FAM227B: variants seen among roughly 807,000 people sequenced by gnomAD.
FAM227B encodes the protein family with sequence similarity 227 member B.
Under a neutral mutation model 73.8 loss-of-function variants are expected in FAM227B, and 88 were observed. That is an observed-to-expected ratio of 1.19 (90% CI 1.00 to 1.42). The LOEUF (loss-of-function observed/expected upper bound fraction) is 1.42, where lower values mean the gene tolerates loss of function less well. FAM227B is among the 40% of genes most tolerant of loss of function. The pLI, the probability that FAM227B is intolerant of heterozygous loss-of-function variation, is 0.00. For synonymous variants in FAM227B, 210 were observed against 190.5 expected (o/e 1.10, Z -0.84); for missense variants, 632 against 590.9 (o/e 1.07, Z -0.72).
chr15:49,595,397 A>T (rs890940424), intron 3 of FAM227B, among the ~76,000 whole-genome samples: 1 of 152,050 alleles, frequency 6.6e-6, no homozygotes, highest in Non-Finnish European at 1.5e-5. Flanking sequence ...GTGAACAGTG[A>T]CAGTTTGACA....
At chr15:49,477,387 A>G (rs559877822) in intron 11 of FAM227B, among the ~76,000 whole-genome samples, 1 of 152,232 alleles carries the variant, frequency 6.6e-6, no homozygotes, top group African/African-American at 2.4e-5. Flanking sequence ...TACTGTCTCT[A>G]AAGTTTTGCC....
At chr15:49,521,226 T>C (rs1366425276) in intron 10 of FAM227B, among the ~76,000 whole-genome samples, 3 of 152,152 alleles carry the variant, frequency 2.0e-5, no homozygotes, top group Non-Finnish European at 4.4e-5. Flanking sequence ...CACTCTGACT[T>C]TGGCAATCAC....
chr15:49,449,580 T>A (rs74012379), intron 11 of FAM227B, among the ~76,000 whole-genome samples: 2,607 of 152,126 alleles, frequency 0.017, 94 homozygotes, highest in African/African-American at 0.06. Flanking sequence ...TTGGCAACCT[T>A]ATACTTCTAT....
rs559835965 is a variant in FAM227B at position 49,484,559 on chromosome 15, T to C, written c.1012+23652A>G. ...AGCAGGGAGATTTCTTTAAGTGGAC[T>C]GTTTTCTTTCTTCTCAAAATTTTCT... On this transcript the variant is annotated intron_variant, in intron 11 of 15. Coordinates refer to ENST00000299338, the MANE Select transcript of FAM227B (RefSeq NM_152647.3). 2.0e-3 allele frequency: 1,778 copies of C among 908,632 alleles called. 3 individuals carry two copies. The highest frequency in any genetic ancestry group is 8.6e-3 in the Middle Eastern group (24 of 2,788). 56.3% of individuals were successfully genotyped at this position (908,632 alleles called of 1,614,324 possible).
At chr15:49,516,413 G>A (rs2059381511) in intron 10 of FAM227B, among the ~76,000 whole-genome samples, 1 of 151,918 alleles carries the variant, frequency 6.6e-6, no homozygotes, top group Non-Finnish European at 1.5e-5. Context: ...GGTAAACAAG[G>A]CTTGCATCCC....
chr15:49,330,031 ATAT>A (rs1451094430), intron 15 of FAM227B: 1 of 152,782 alleles, frequency 6.5e-6, no homozygotes, highest in African/African-American at 2.4e-5. Flanking sequence ...TGGTATCTAG[ATAT>A]TATGAGAGAT....
intron 11 of FAM227B, among the ~76,000 whole-genome samples, chr15:49,386,695 G>T (rs2046905578): frequency 6.6e-6 from 1 of 151,342 alleles, no homozygotes; most frequent in South Asian, 2.1e-4. Context: ...CAATACAAAA[G>T]ATCAATGAAA....
chr15:49,509,398 A>G (rs979431474), intron 10 of FAM227B, among the ~76,000 whole-genome samples: 1 of 152,290 alleles, frequency 6.6e-6, no homozygotes, highest in South Asian at 2.1e-4. Flanking sequence ...CCAGTATTGC[A>G]TAAACCCTAC....
chr15:49,448,024 A>T (rs2052383600), intron 11 of FAM227B, among the ~76,000 whole-genome samples: 1 of 151,704 alleles, frequency 6.6e-6, no homozygotes, highest in Admixed American at 6.6e-5. Context: ...GTTTGAAATT[A>T]TTTTAATGTC....
At chr15:49,460,587 GCC>G (rs2053703640) in intron 11 of FAM227B, among the ~76,000 whole-genome samples, 1 of 152,102 alleles carries the variant, frequency 6.6e-6, no homozygotes, top group African/African-American at 2.4e-5. Context: ...GGGAGTACTG[GCC>G]AATCCCAAAA....
intron 11 of FAM227B, among the ~76,000 whole-genome samples, chr15:49,464,520 C>CAGAA (rs2054090967): frequency 6.6e-6 from 1 of 152,094 alleles, no homozygotes; most frequent in Non-Finnish European, 1.5e-5. Flanking sequence ...TGCTGGAAGA[C>CAGAA]AGAACATTTA....
intron 8 of FAM227B, among the ~76,000 whole-genome samples, chr15:49,571,015 T>C (rs912623211): frequency 6.6e-6 from 1 of 150,956 alleles, no homozygotes; most frequent in East Asian, 1.9e-4. Context: ...ATCTCGGTTA[T>C]TGCAATTAAT....
chr15:49,410,567 A>G (rs1184124208), intron 11 of FAM227B, among the ~76,000 whole-genome samples: 2 of 152,168 alleles, frequency 1.3e-5, no homozygotes, highest in Non-Finnish European at 2.9e-5. Context: ...GAAAATAGCG[A>G]ATCATTTTCC....
At chr15:49,438,104 T>C (rs1218100921) in intron 11 of FAM227B, among the ~76,000 whole-genome samples, 2 of 151,296 alleles carry the variant, frequency 1.3e-5, no homozygotes, top group Admixed American at 1.3e-4. Flanking sequence ...GTTTCAGGAG[T>C]ACCAAGTTCA....
chr15:49,383,743 G>C (rs1053011930), intron 11 of FAM227B, among the ~76,000 whole-genome samples: 3 of 152,038 alleles, frequency 2.0e-5, no homozygotes, highest in Non-Finnish European at 4.4e-5. Context: ...AAAGGAATAC[G>C]ATTGGCAAAT....
intron 11 of FAM227B, among the ~76,000 whole-genome samples, chr15:49,423,772 T>C (rs77730249): frequency 1.9e-3 from 284 of 152,272 alleles, no homozygotes; most frequent in African/African-American, 6.4e-3. Context: ...CTGAGTGCAG[T>C]ATGGTTCTCA....
In FAM227B at chr15:49,371,403, A is replaced by T. The variant is rs772068591; in HGVS notation, c.1013-4T>A. On this transcript the variant is annotated splice_polypyrimidine_tract_variant and splice_region_variant and intron_variant, in intron 11 of 15. Coordinates refer to ENST00000299338, the MANE Select transcript of FAM227B (RefSeq NM_152647.3). Reference sequence around the variant, plus strand: ...TTTATAATATTGAAGTCGATACCTAAAACAGAAAATAAAATACTTTTTAAA... The same window carrying T: ...TTTATAATATTGAAGTCGATACCTATAACAGAAAATAAAATACTTTTTAAA... 6.7e-7 allele frequency: 1 copy of T among 1,501,792 alleles called. No homozygotes were observed. Among genetic ancestry groups the T allele is most frequent in the South Asian group, 1.2e-5 (1 of 80,706 alleles). The allele number at this position is 1,501,792 out of a possible 1,614,324, so 93.0% of individuals were successfully genotyped here.
intron 10 of FAM227B, among the ~76,000 whole-genome samples, chr15:49,516,365 A>C (rs2152136829): frequency 6.6e-6 from 1 of 152,132 alleles, no homozygotes; most frequent in Middle Eastern, 3.4e-3. Context: ...CTAAATTGTT[A>C]TTACTTGATT....
intron 11 of FAM227B, among the ~76,000 whole-genome samples, chr15:49,495,631 A>G (rs937750577): frequency 1.3e-5 from 2 of 152,210 alleles, no homozygotes; most frequent in East Asian, 3.9e-4. Flanking sequence ...TTACTGGCTT[A>G]GTTCTCAAAG....
Sources: gnomAD v4.1 joint callset for allele counts (sites outside exome capture counted in the v4.1 genomes callset) on GRCh38, gnomAD v4.1.1 for gene constraint, MANE v1.5 for transcripts, NCBI Gene and HGNC (gene_info 2026-07-23, HGNC 2026-07-21) for gene names.